Variants in DNAH3 observed in about 807,000 individuals in gnomAD.
DNAH3 encodes the protein axonemal beta dynein heavy chain 3.
In DNAH3, 332 loss-of-function variants were observed where a neutral mutation model predicts 432.5. The ratio of observed to expected loss-of-function variants is 0.77; its 90% CI spans 0.70 to 0.84. DNAH3 has a LOEUF of 0.84. Among genes scored for constraint, DNAH3 ranks in the 40% least tolerant of loss-of-function variants. DNAH3 has a pLI of 0.00. For missense variants in DNAH3, 4,861 were observed against 5,114.0 expected, an observed-to-expected ratio of 0.95 and a Z score of 1.51; for synonymous variants, 1,956 against 1,900.2, an observed-to-expected ratio of 1.03 and a Z score of -0.76.
exon 54 of DNAH3, chr16:20,959,306 T>G (rs1354368471): frequency 4.3e-6 from 7 of 1,614,072 alleles, no homozygotes; most frequent in Non-Finnish European, 5.9e-6. Flanking sequence ...ATGGCATTGT[T>G]GATCATTTTG....
intron 21 of DNAH3, among the ~76,000 whole-genome samples, chr16:21,074,928 A>G (rs950257056): frequency 2.0e-5 from 3 of 152,200 alleles, no homozygotes; most frequent in Non-Finnish European, 4.4e-5. Context: ...CTACAAGTGC[A>G]AGTGAAAAGA....
Position 20,941,322 on chromosome 16 carries a change from C to A in DNAH3, c.11654+79G>T. 1.0e-5 allele frequency: 16 copies of A among 1,568,018 alleles called. No homozygotes were observed. The South Asian group carries it at 1.9e-4, about 18-fold the overall frequency. ...GCAAACCACTTCCTCTGCATAGCAA[C>A]CCCTTCTCAGCTACTGCCTGTTAGA... is the stretch of plus-strand genomic sequence containing the variant. On this transcript the variant is annotated intron_variant, in intron 59 of 61. Transcript: ENST00000261383.
chr16:20,944,801 ACG>A, intron 57 of DNAH3, 138 bp from the exon 58 acceptor site: 1 of 789,984 alleles, frequency 1.3e-6, no homozygotes, highest in Non-Finnish European at 2.0e-6. Flanking sequence ...ACACACACAC[ACG>A]CTGGGAGAAC....
intron 12 of DNAH3, among the ~76,000 whole-genome samples, chr16:21,115,957 CT>C (rs1318087983): frequency 6.6e-6 from 1 of 152,008 alleles, no homozygotes; most frequent in African/African-American, 2.4e-5. Flanking sequence ...ACATTCTTGG[CT>C]GTCACAACCA....
chr16:21,124,385 C>T (rs2092404100), intron 9 of DNAH3, among the ~76,000 whole-genome samples: 2 of 152,180 alleles, frequency 1.3e-5, no homozygotes, highest in African/African-American at 4.8e-5. Flanking sequence ...TTCTTAACAA[C>T]TTCTCTACTT....
intron 24 of DNAH3, among the ~76,000 whole-genome samples, chr16:21,066,005 T>G (rs1449500484): frequency 6.6e-6 from 1 of 151,970 alleles, no homozygotes; most frequent in African/African-American, 2.4e-5. Context: ...TTTTGTATTT[T>G]TAGTAGAGGC....
intron 1 of DNAH3, among the ~76,000 whole-genome samples, chr16:21,149,554 C>T (rs1311763357): frequency 6.6e-6 from 1 of 152,216 alleles, no homozygotes; most frequent in Non-Finnish European, 1.5e-5. Context: ...GGACGTGCTA[C>T]ACCAGAATCA....
intron 54 of DNAH3, among the ~76,000 whole-genome samples, chr16:20,955,286 A>G (rs1483628597): frequency 6.6e-6 from 1 of 152,132 alleles, no homozygotes. Context: ...CATTTAACAT[A>G]TGTCCTTTTA....
chr16:21,126,400 A>ATCTACATTT (rs979479399), intron 8 of DNAH3, among the ~76,000 whole-genome samples: 30 of 152,320 alleles, frequency 2.0e-4, no homozygotes, highest in African/African-American at 7.2e-4. Flanking sequence ...CAATGATAGC[A>ATCTACATTT]TCTACATTTT....
At chr16:21,033,395 G>A (rs753322806) in intron 36 of DNAH3, among the ~76,000 whole-genome samples, 23 of 152,252 alleles carry the variant, frequency 1.5e-4, no homozygotes, top group Middle Eastern at 3.4e-3. Context: ...CATTTGTTGC[G>A]TAGGCACTGT....
In DNAH3 at chr16:21,081,761, T is replaced by C. The variant is rs982556480; in HGVS notation, c.2878-34A>G. 3.2e-6 allele frequency: 5 copies of C among 1,577,838 alleles called. No individual in the cohort carries two copies. In the African/African-American group the frequency reaches 5.4e-5, roughly 17 times the overall value. Reference sequence around the variant, plus strand: ...AAAAGAGGAAAGCAAATGTTTGTTGTCCGAGGCAGTGCTGTCCAGTAGAAC... The same window carrying C: ...AAAAGAGGAAAGCAAATGTTTGTTGCCCGAGGCAGTGCTGTCCAGTAGAAC... On this transcript the variant is annotated intron_variant, in intron 19 of 61. Coordinates refer to ENST00000261383, the Ensembl canonical transcript of DNAH3.
At chr16:20,968,969 A>G (rs1428618526) in intron 52 of DNAH3, among the ~76,000 whole-genome samples, 2 of 151,442 alleles carry the variant, frequency 1.3e-5, no homozygotes, top group African/African-American at 2.4e-5. Flanking sequence ...CGCTCTCTGC[A>G]TATTTGTCTC....
intron 7 of DNAH3, among the ~76,000 whole-genome samples, chr16:21,133,498 T>C (rs1035859236): frequency 2.0e-5 from 3 of 151,976 alleles, no homozygotes; most frequent in Non-Finnish European, 4.4e-5. Context: ...CCCAGCACTT[T>C]GGGAGGCTGA....
chr16:21,127,035 C>T (rs760766631), intron 8 of DNAH3, among the ~76,000 whole-genome samples: 28 of 151,944 alleles, frequency 1.8e-4, no homozygotes, highest in Non-Finnish European at 3.4e-4. Flanking sequence ...ACAGTAAATG[C>T]CGTGTGCTTG....
intron 51 of DNAH3, 97 bp from the exon 52 acceptor site, chr16:20,970,087 G>C: frequency 8.6e-7 from 1 of 1,164,754 alleles, no homozygotes; most frequent in Non-Finnish European, 1.3e-6. Context: ...GAAGGAAGAG[G>C]TGCTTCCTCT....
chr16:21,047,281 G>A (rs1306711940), intron 31 of DNAH3, among the ~76,000 whole-genome samples: 6 of 147,314 alleles, frequency 4.1e-5, no homozygotes, highest in Non-Finnish European at 7.5e-5. Context: ...TTTCCAACTT[G>A]GTTCCATTCT....
rs1203573510 is a variant in DNAH3, at chr16:21,022,105, G to A, written c.5647-5C>T. The A allele has an allele frequency of 6.2e-7, 1 of 1,613,864 alleles. No homozygotes were observed. Among genetic ancestry groups the A allele is most frequent in the Non-Finnish European group, 8.5e-7 (1 of 1,179,920 alleles). ...CCACATGAACATGTCATTGACCTGAGAGTAGAAACCTCCATGAGACTTGGA... is the reference window on the plus strand; with the variant it reads ...CCACATGAACATGTCATTGACCTGAAAGTAGAAACCTCCATGAGACTTGGA... On this transcript the variant is annotated splice_region_variant and splice_polypyrimidine_tract_variant and intron_variant, in intron 39 of 61. Transcript: ENST00000261383.
At chr16:21,110,574 TAA>T (rs1459078039) in intron 14 of DNAH3, among the ~76,000 whole-genome samples, 1 of 152,192 alleles carries the variant, frequency 6.6e-6, no homozygotes, top group Non-Finnish European at 1.5e-5. Context: ...CTAGAAACCC[TAA>T]ACTTTTCAAC....
At chr16:21,067,541 TC>T in intron 23 of DNAH3, 122 bp from the exon 24 acceptor site, 1 of 1,010,408 alleles carries the variant, frequency 9.9e-7, no homozygotes, top group Non-Finnish European at 1.5e-6. Context: ...TGCCTCCTGA[TC>T]CCCCTCCTAA....
Sources: allele counts gnomAD v4.1 joint callset (sites outside exome capture counted in the v4.1 genomes callset), GRCh38; gene constraint gnomAD v4.1.1; transcripts MANE v1.5; gene names NCBI Gene and HGNC (gene_info 2026-07-23, HGNC 2026-07-21).